The following SH2B1 variants were observed in gnomAD, a reference collection of about 807,000 sequenced individuals.
The protein encoded by SH2B1 is SH2B adapter protein 1.
A neutral mutation model predicts 62.6 loss-of-function variants in SH2B1; 15 were observed. The observed-to-expected ratio is 0.24, with a 90% CI of 0.16 to 0.37. The LOEUF (loss-of-function observed/expected upper bound fraction) is 0.37, where lower values mean the gene tolerates loss of function less well. Among genes scored for constraint, SH2B1 ranks in the 10% least tolerant of loss-of-function variants. SH2B1 has a pLI of 1.00. For missense variants in SH2B1, 925 were observed against 1,015.6 expected (o/e 0.91, Z 1.21); for synonymous variants, 443 against 438.0 (o/e 1.01, Z -0.14).
chr16:28,871,450 G>C (rs1003760190), intron 4 of SH2B1, among the ~76,000 whole-genome samples: 6 of 152,174 alleles, frequency 3.9e-5, no homozygotes, highest in Non-Finnish European at 7.3e-5. Context: ...TATATAGCGA[G>C]ACCCCTTCTC....
upstream of SH2B1, chr16:28,863,415 T>C: frequency 2.4e-6 from 1 of 423,122 alleles, no homozygotes; most frequent in Non-Finnish European, 4.3e-6. Flanking sequence ...CTCAGCTCCT[T>C]GGTGGCGTTG....
chr16:28,866,128 T>C lies in SH2B1; in HGVS notation c.34T>C (p.Ser12Pro). The C allele has an allele frequency of 6.4e-7, 1 of 1,574,344 alleles. No homozygotes were observed. Reference sequence around the variant, plus strand: ...TGCCCCTTCCCCAGAGGACGGGGCCTCCCCCTCGTCTCCCCCGCTGCCCCC... The same window carrying C: ...TGCCCCTTCCCCAGAGGACGGGGCCCCCCCCTCGTCTCCCCCGCTGCCCCC... ...NGAPSPEDGA[S>P]PSSPPLPPPP... is the part of the protein sequence containing the mutation. Residue 12 changes from serine (S) to proline (P), a missense_variant, in exon 1 of 8, where the codon TCC becomes CCC. Around this residue, in one of 3 missense-constraint regions of SH2B1, gnomAD observed 683 missense variants for 704.0 expected, o/e 0.97. Transcript: ENST00000684370. The surrounding 1 kb of genome is among the most constrained non-coding windows in gnomAD (Gnocchi z 6.3).
At chr16:28,852,249 T>TATATATTTACATATATATATTTAC (rs1962122556) in intron 1 of SH2B1, among the ~76,000 whole-genome samples, 2 of 83,562 alleles carry the variant, frequency 2.4e-5, no homozygotes, top group African/African-American at 6.1e-5. Flanking sequence ...TATATTTACA[T>TATATATTTACATATATATATTTAC]ATATATATTT....
Position 28,865,698 on chromosome 16 carries a change from G to GA in SH2B1, c.-396dup, listed in dbSNP as rs1177439882. Reference sequence around the variant, plus strand: ...CATGAATATTGGAGGATCCGATGTAGAGGGGGGGTGATCTGGAAAAGTTCC... The same window carrying GA: ...CATGAATATTGGAGGATCCGATGTAGAAGGGGGGGTGATCTGGAAAAGTTCC... On this transcript the variant is annotated 5_prime_UTR_variant, in exon 1 of 8. An upstream open reading frame in the 5' UTR loses its in-frame stop. Transcript: ENST00000684370. 2.0e-6 allele frequency: 2 copies of GA among 1,013,856 alleles called. No homozygotes were observed. The highest frequency in any genetic ancestry group is 3.4e-5 in the African/African-American group (2 of 58,160). 62.8% of individuals were successfully genotyped at this position (1,013,856 alleles called of 1,614,324 possible).
chr16:28,863,893 A>AGCCGCCGCC lies in SH2B1; in HGVS notation c.-2185_-2177dup, dbSNP rs55893769. On this transcript the variant is annotated 5_prime_UTR_variant, in exon 1 of 8. Coordinates refer to ENST00000684370, the MANE Select transcript of SH2B1 (RefSeq NM_001387430.1). The stretch of plus-strand genomic sequence containing the variant: ...AGTGGGTGGGGGCGCAGGGAGCGGG[A>AGCCGCCGCC]GCCGCCGCCGCCGCCGCCGCCGCCG... The AGCCGCCGCC allele has an allele frequency of 9.4e-4, 1,401 of 1,494,240 alleles. 10 individuals carry two copies. The African/African-American group carries it at 0.017, about 18-fold the overall frequency. 92.6% of individuals were successfully genotyped at this position (1,494,240 alleles called of 1,614,324 possible).
chr16:28,851,912 C>CA (rs1043997993), intron 1 of SH2B1, among the ~76,000 whole-genome samples: 4 of 149,754 alleles, frequency 2.7e-5, no homozygotes, highest in Non-Finnish European at 5.9e-5. Flanking sequence ...ATTAAAAATA[C>CA]AAAAAATAGT....
At position 28,866,505 on chromosome 16, in the gene SH2B1, C is replaced by G; in HGVS notation, c.411C>G (p.Val137=). Residue 137 remains valine (V), a synonymous_variant, in exon 1 of 8, where the codon GTC becomes GTG. Transcript: ENST00000684370. The surrounding 1 kb of genome is among the most constrained non-coding windows in gnomAD (Gnocchi z 6.3). The part of the protein sequence containing the change: ...EDLAGPLPSS[V]SSSSTTSSKP... ...TGGCCGGCCCCCTCCCTTCCTCAGT[C>G]TCTTCCTCCTCTACAACCTCCTCCA... 1.2e-6 allele frequency: 2 copies of G among 1,614,112 alleles called. No individual in the cohort carries two copies. Among genetic ancestry groups the G allele is most frequent in the South Asian group, 1.1e-5 (1 of 91,084 alleles).
rs1423027370 is a variant in SH2B1 at position 28,853,096 on chromosome 16, A to T, written c.-301+6269A>T. 9.7e-4 allele frequency among the ~76,000 whole-genome samples: 119 copies of T among 122,410 alleles called. 1 individual carries two copies. Among genetic ancestry groups the T allele is most frequent in the Non-Finnish European group, 1.7e-3 (107 of 62,300 alleles). The allele number at this position is 122,410 out of a possible 152,430, so 80.3% of individuals were successfully genotyped here. On this transcript the variant is annotated intron_variant, in intron 1 of 10. Coordinates refer to the SH2B1 transcript ENST00000322610. ...TATATATTTATATATATTTATACAT[A>T]TATATTTATATATACATTTATATAT...
At position 28,852,331 on chromosome 16, in the gene SH2B1, C is replaced by CAT. The variant is rs535749247; in HGVS notation, c.-301+5511_-301+5512dup. 1.1e-3 allele frequency among the ~76,000 whole-genome samples: 50 copies of CAT among 46,244 alleles called. 2 individuals carry two copies. The highest frequency in any genetic ancestry group is 1.3e-3 in the Non-Finnish European group (35 of 27,068). The allele number at this position is 46,244 out of a possible 152,430, so 30.3% of individuals were successfully genotyped here. A position where few individuals can be genotyped will look rare whatever the true frequency, so the allele number is the denominator to read the frequency against. ...ATATATATTTACATATATATATTTA[C>CAT]ATATATATTTACATATATATTTATA... On this transcript the variant is annotated intron_variant, in intron 1 of 10. Coordinates refer to the SH2B1 transcript ENST00000322610.
intron 1 of SH2B1, among the ~76,000 whole-genome samples, chr16:28,851,586 C>T (rs1396075180): frequency 6.6e-6 from 1 of 150,814 alleles, no homozygotes; most frequent in Non-Finnish European, 1.5e-5. Flanking sequence ...CCTCACCCTC[C>T]CAAGTAGCTG....
intron 1 of SH2B1, among the ~76,000 whole-genome samples, chr16:28,849,069 C>T (rs1448649668): frequency 6.6e-6 from 1 of 152,128 alleles, no homozygotes; most frequent in Non-Finnish European, 1.5e-5. Context: ...ATCAGTTCTG[C>T]TTAGGAAAGG....
chr16:28,869,102 G>A lies in SH2B1; in HGVS notation c.1133+5G>A, dbSNP rs1338430137. 1 of 1,614,096 alleles carries A rather than the reference G, an allele frequency of 6.2e-7. No homozygotes were observed. The highest frequency in any genetic ancestry group is 8.5e-7 in the Non-Finnish European group (1 of 1,179,942). On this transcript the variant is annotated splice_donor_5th_base_variant and intron_variant, in intron 3 of 7. Coordinates refer to ENST00000684370, the MANE Select transcript of SH2B1 (RefSeq NM_001387430.1). The stretch of plus-strand genomic sequence containing the variant: ...CCAAGAATGCCTGAGCCCAGGGTGA[G>A]AAGCCTGACTTCTGTCGCTAAGGGA...
At position 28,852,412 on chromosome 16, in the gene SH2B1, A is replaced by G. The variant is rs1358021803; in HGVS notation, c.-301+5585A>G. On this transcript the variant is annotated intron_variant, in intron 1 of 10. Transcript: ENST00000322610. ...TATATATACATATATATTTACATAT[A>G]TATTTATATATTTACATATATATTT... 1.0e-4 allele frequency among the ~76,000 whole-genome samples: 3 copies of G among 29,394 alleles called. 1 individual carries two copies. Among genetic ancestry groups the G allele is most frequent in the Non-Finnish European group, 1.8e-4 (3 of 16,678 alleles). 19.3% of individuals were successfully genotyped at this position (29,394 alleles called of 152,430 possible). A position where few individuals can be genotyped will look rare whatever the true frequency, so the allele number is the denominator to read the frequency against.
chr16:28,860,271 C>T (rs762747713), upstream of SH2B1, among the ~76,000 whole-genome samples: 10 of 131,680 alleles, frequency 7.6e-5, no homozygotes, highest in Non-Finnish European at 7.8e-5. Context: ...TTTTTTTTTA[C>T]GATGGAGTCT....
At position 28,865,992 on chromosome 16, in the gene SH2B1, CCTCT is replaced by C. The variant is rs1165112015; in HGVS notation, c.-98_-95del. Reference sequence around the variant, plus strand: ...CCCTCAGCAGTGACCCTCGTGTGTGCCTCTCTCTTCCTTTCGCAGCTGCTGCCGC... The same window carrying C: ...CCCTCAGCAGTGACCCTCGTGTGTGCCTCTTCCTTTCGCAGCTGCTGCCGC... On this transcript the variant is annotated 5_prime_UTR_variant, in exon 1 of 8. Transcript: ENST00000684370. 4 of 1,495,592 alleles carry C rather than the reference CCTCT, an allele frequency of 2.7e-6. No homozygotes were observed. The highest frequency in any genetic ancestry group is 1.8e-6 in the Non-Finnish European group (2 of 1,131,652). The allele number at this position is 1,495,592 out of a possible 1,614,324, so 92.6% of individuals were successfully genotyped here.
intron 1 of SH2B1, among the ~76,000 whole-genome samples, chr16:28,855,299 A>G (rs1375045908): frequency 6.7e-6 from 1 of 149,962 alleles, no homozygotes; most frequent in East Asian, 2.0e-4. Flanking sequence ...GGCTCATTGC[A>G]ACCTCCACCT....
chr16:28,864,782 C>CT lies in SH2B1; in HGVS notation c.-1312dup, dbSNP rs1401815009. ...GACCTTGAGAGGGCTCCTCCTTTCT[C>CT]TAATTTCTATTTTAGAAAATTGGAA... On this transcript the variant is annotated 5_prime_UTR_variant, in exon 1 of 8. Transcript: ENST00000684370. The CT allele has an allele frequency of 2.2e-6, 1 of 462,500 alleles. No individual in the cohort carries two copies. The highest frequency in any genetic ancestry group is 6.4e-5 in the Admixed American group (1 of 15,648). The allele number at this position is 462,500 out of a possible 1,614,324, so 28.6% of individuals were successfully genotyped here. A position where few individuals can be genotyped will look rare whatever the true frequency, so the allele number is the denominator to read the frequency against.
In SH2B1 at chr16:28,866,430, G is replaced by A. The variant is rs1567467075; in HGVS notation, c.336G>A (p.Arg112=). 9.9e-6 allele frequency: 16 copies of A among 1,614,000 alleles called. No homozygotes were observed. The highest frequency in any genetic ancestry group is 1.6e-4 in the Middle Eastern group (1 of 6,062). ...SPHDLSLESC[R]VGGPLAVLGP... ...ATGACCTGTCCCTTGAGAGCTGCAG[G>A]GTGGGTGGGCCCCTGGCTGTGCTGG... Residue 112 remains arginine, a synonymous_variant, in exon 1 of 8, where the codon AGG becomes AGA. Transcript: ENST00000684370. The surrounding 1 kb of genome is among the most constrained non-coding windows in gnomAD (Gnocchi z 6.3).
chr16:28,870,930 T>A (rs192202723), intron 4 of SH2B1, among the ~76,000 whole-genome samples: 3,499 of 152,188 alleles, frequency 0.023, 73 homozygotes, highest in Non-Finnish European at 0.037. Flanking sequence ...CAAGTCATTC[T>A]CACACCTCAG....
Sources: gnomAD v4.1 joint callset for allele counts (sites outside exome capture counted in the v4.1 genomes callset) on GRCh38, gnomAD v4.1.1 for gene constraint, gnomAD v4.1.1 regional missense constraint, Gnocchi (gnomAD v3.1) non-coding constraint, MANE v1.5 for transcripts, NCBI Gene and HGNC (gene_info 2026-07-23, HGNC 2026-07-21) for gene names.